Variants in RPS6KA5 observed in about 807,000 individuals in gnomAD.
RPS6KA5 encodes the protein ribosomal protein S6 kinase alpha-5.
A neutral mutation model predicts 85.5 loss-of-function variants in RPS6KA5; 27 were observed. The ratio of observed to expected loss-of-function variants is 0.32; its 90% CI spans 0.23 to 0.44. RPS6KA5 has a LOEUF of 0.44. Ranked by LOEUF, RPS6KA5 falls within the 20% of genes least tolerant of loss-of-function variation. The probability of loss-of-function intolerance (pLI) is 1.00; values close to 1 mark genes in which losing one functional copy is unlikely to be tolerated. For synonymous variants in RPS6KA5, 334 were observed against 348.2 expected (o/e 0.96, Z 0.46); for missense variants, 811 against 980.9 (o/e 0.83, Z 2.31).
Position 90,865,216 on chromosome 14 carries a change from T to C in RPS6KA5, c.*6858A>G, listed in dbSNP as rs1273887386. 3.3e-5 allele frequency: 5 copies of C among 152,246 alleles called. No individual in the cohort carries two copies. The highest frequency in any genetic ancestry group is 5.9e-5 in the Non-Finnish European group (4 of 68,044). 9.4% of individuals were successfully genotyped at this position (152,246 alleles called of 1,614,324 possible). On this transcript the variant is annotated 3_prime_UTR_variant, in exon 17 of 17. Coordinates refer to ENST00000614987, the MANE Select transcript of RPS6KA5 (RefSeq NM_004755.4). ...TAAAATATATGCACAAGAATGCTTA[T>C]GGCTGCTTTAAACACAAAAGCTAAA...
At chr14:90,932,056 G>A (rs1382164954) in intron 5 of RPS6KA5, among the ~76,000 whole-genome samples, 1 of 152,204 alleles carries the variant, frequency 6.6e-6, no homozygotes, top group Non-Finnish European at 1.5e-5. Context: ...CACCAGTGCA[G>A]CTACACATTG....
At chr14:90,894,349 T>C (rs2034717368) in intron 13 of RPS6KA5, 64 bp downstream of exon 13, 2 of 1,426,892 alleles carry the variant, frequency 1.4e-6, no homozygotes, top group Non-Finnish European at 1.9e-6. Flanking sequence ...ACTTCCCCCA[T>C]GTTTGGGAGA....
intron 1 of RPS6KA5, among the ~76,000 whole-genome samples, chr14:91,042,918 C>G (rs914167832): frequency 6.6e-6 from 1 of 152,046 alleles, no homozygotes; most frequent in African/African-American, 2.4e-5. Flanking sequence ...ACAAATAAAC[C>G]CTTCCTGAAC....
intron 13 of RPS6KA5, among the ~76,000 whole-genome samples, chr14:90,892,827 TA>T (rs1387136700): frequency 6.6e-6 from 1 of 152,248 alleles, no homozygotes; most frequent in Non-Finnish European, 1.5e-5. Context: ...ATGAAAATGT[TA>T]GTTCAAAGGT....
intron 3 of RPS6KA5, among the ~76,000 whole-genome samples, chr14:90,974,031 C>T (rs1368922497): frequency 4.7e-5 from 1 of 21,276 alleles, no homozygotes; most frequent in African/African-American, 1.2e-4. Flanking sequence ...GAGTGAGACT[C>T]CATCTCAAAA....
chr14:91,026,224 T>G (rs2041985720), intron 1 of RPS6KA5, among the ~76,000 whole-genome samples: 1 of 152,184 alleles, frequency 6.6e-6, no homozygotes, highest in South Asian at 2.1e-4. Flanking sequence ...GTACCACATT[T>G]TTATTTTGTT....
intron 7 of RPS6KA5, among the ~76,000 whole-genome samples, chr14:90,914,774 G>C (rs561193786): frequency 6.6e-6 from 1 of 152,194 alleles, no homozygotes; most frequent in Non-Finnish European, 1.5e-5. Flanking sequence ...AGGAGTATAA[G>C]TGCCAAGGGA....
intron 5 of RPS6KA5, among the ~76,000 whole-genome samples, chr14:90,935,059 A>G (rs1274351800): frequency 6.6e-6 from 1 of 152,210 alleles, no homozygotes; most frequent in Admixed American, 6.5e-5. Context: ...TTCAGGACAC[A>G]TGCAAATAAA....
rs755941653 is a variant in RPS6KA5, at chr14:91,013,201, T to C, written c.104-12042A>G. Among the ~76,000 whole-genome samples, 170 of 152,334 alleles carry C rather than the reference T, an allele frequency of 1.1e-3. 1 individual carries two copies. The highest frequency in any genetic ancestry group is 1.5e-3 in the Non-Finnish European group (101 of 68,030). ...TCACGTAGTCACCAGACTCTACATGTAAGCTATAGTATATTAATTGAACAA... is the reference window on the plus strand; with the variant it reads ...TCACGTAGTCACCAGACTCTACATGCAAGCTATAGTATATTAATTGAACAA... On this transcript the variant is annotated intron_variant, in intron 1 of 16. Transcript: ENST00000614987.
intron 7 of RPS6KA5, among the ~76,000 whole-genome samples, chr14:90,911,670 CTAAT>C (rs922949726): frequency 6.6e-6 from 1 of 152,002 alleles, no homozygotes; most frequent in Non-Finnish European, 1.5e-5. Flanking sequence ...AGAGAGTTTT[CTAAT>C]TAGAGAACAA....
intron 5 of RPS6KA5, among the ~76,000 whole-genome samples, chr14:90,926,446 T>C (rs948767441): frequency 1.3e-5 from 2 of 151,724 alleles, no homozygotes; most frequent in Non-Finnish European, 2.9e-5. Context: ...CTTAGTAAAT[T>C]TGAGAAAATT....
intron 1 of RPS6KA5, among the ~76,000 whole-genome samples, chr14:91,029,545 T>C (rs898298928): frequency 1.3e-5 from 2 of 152,324 alleles, no homozygotes; most frequent in African/African-American, 4.8e-5. Flanking sequence ...TAGAGTCTCA[T>C]TGCATAGGAC....
intron 1 of RPS6KA5, among the ~76,000 whole-genome samples, chr14:91,006,648 T>C (rs1291751610): frequency 3.9e-5 from 6 of 152,218 alleles, no homozygotes; most frequent in Admixed American, 3.9e-4. Context: ...AAATAAATGT[T>C]TGTTGTTTAA....
At chr14:90,897,827 C>T (rs1355703490) in intron 12 of RPS6KA5, among the ~76,000 whole-genome samples, 4 of 152,122 alleles carry the variant, frequency 2.6e-5, no homozygotes, top group Admixed American at 2.0e-4. Flanking sequence ...CTAAGATCAC[C>T]CGTTGATTCC....
chr14:90,945,902 T>C (rs1019720404), intron 4 of RPS6KA5, among the ~76,000 whole-genome samples: 3 of 151,992 alleles, frequency 2.0e-5, no homozygotes, highest in African/African-American at 7.3e-5. Flanking sequence ...ACTCGGGAGA[T>C]TGACACGAGA....
intron 7 of RPS6KA5, among the ~76,000 whole-genome samples, chr14:90,916,291 CAG>C (rs1170157079): frequency 6.6e-6 from 1 of 152,108 alleles, no homozygotes; most frequent in African/African-American, 2.4e-5. Context: ...ATTCTTATGT[CAG>C]GGGAAAAGCT....
intron 5 of RPS6KA5, among the ~76,000 whole-genome samples, chr14:90,938,043 T>C (rs2037369032): frequency 6.6e-6 from 1 of 152,166 alleles, no homozygotes. Context: ...CTTCCACCTA[T>C]GAGCCTCTAA....
intron 1 of RPS6KA5, among the ~76,000 whole-genome samples, chr14:91,004,526 T>A (rs2040926407): frequency 6.6e-6 from 1 of 152,162 alleles, no homozygotes; most frequent in Admixed American, 6.6e-5. Context: ...ATTAAAGACA[T>A]CTGAGCACCA....
intron 14 of RPS6KA5, among the ~76,000 whole-genome samples, chr14:90,887,811 A>AG (rs2034319846): frequency 6.6e-6 from 1 of 150,880 alleles, no homozygotes; most frequent in South Asian, 2.1e-4. Flanking sequence ...AAAAAAAAAA[A>AG]TTAGCTGGGG....
Sources: gnomAD v4.1 joint callset for allele counts (sites outside exome capture counted in the v4.1 genomes callset) on GRCh38, gnomAD v4.1.1 for gene constraint, MANE v1.5 for transcripts, NCBI Gene and HGNC (gene_info 2026-07-23, HGNC 2026-07-21) for gene names.